CELF4: variants seen among roughly 807,000 people sequenced by gnomAD.
CELF4 encodes CUGBP Elav-like family member 4.
Under a neutral mutation model 59.9 loss-of-function variants are expected in CELF4, and 18 were observed. The observed-to-expected ratio is 0.30, with a 90% confidence interval of 0.21 to 0.45. The LOEUF (loss-of-function observed/expected upper bound fraction) is 0.45. Ranked by LOEUF, CELF4 falls within the 20% of genes least tolerant of loss-of-function variation. The probability of loss-of-function intolerance (pLI) is 1.00; values close to 1 mark genes in which losing one functional copy is unlikely to be tolerated. For synonymous variants in CELF4, 261 were observed against 267.1 expected (o/e 0.98, Z 0.22); for missense variants, 456 against 689.0 (o/e 0.66, Z 3.79).
chr18:37,334,878 C>A (rs1038713204), intron 2 of CELF4, among the ~76,000 whole-genome samples: 2 of 152,294 alleles, frequency 1.3e-5, no homozygotes, highest in East Asian at 1.9e-4. Flanking sequence ...TTAATCCCTA[C>A]GCCACAGCCT....
chr18:37,427,944 T>C (rs2099624346), intron 2 of CELF4, among the ~76,000 whole-genome samples: 1 of 152,210 alleles, frequency 6.6e-6, no homozygotes, highest in African/African-American at 2.4e-5. Context: ...AGACTTCTAC[T>C]GGAGAAAGTG....
At chr18:37,516,568 G>A (rs1224382223) in intron 1 of CELF4, among the ~76,000 whole-genome samples, 1 of 152,148 alleles carries the variant, frequency 6.6e-6, no homozygotes, top group Non-Finnish European at 1.5e-5. Context: ...CCAGGACCAG[G>A]AATTAACTAC....
intron 2 of CELF4, among the ~76,000 whole-genome samples, chr18:37,323,237 T>A (rs1603469509): frequency 6.6e-6 from 1 of 151,432 alleles, no homozygotes; most frequent in Non-Finnish European, 1.5e-5. Flanking sequence ...GAGGCACAGG[T>A]AGCCAGAGGC....
chr18:37,562,609 C>T (rs1157818573), intron 1 of CELF4, among the ~76,000 whole-genome samples: 1 of 152,186 alleles, frequency 6.6e-6, no homozygotes, highest in East Asian at 1.9e-4. Context: ...AACACTCATT[C>T]CTCAAGCCTC....
intron 2 of CELF4, among the ~76,000 whole-genome samples, chr18:37,359,790 G>T (rs1021333346): frequency 6.6e-6 from 1 of 151,834 alleles, no homozygotes; most frequent in Non-Finnish European, 1.5e-5. Context: ...CTCGTGGTCC[G>T]CCCACCTCAG....
At chr18:37,305,005 GT>G (rs1433801277) in intron 3 of CELF4, among the ~76,000 whole-genome samples, 1 of 152,230 alleles carries the variant, frequency 6.6e-6, no homozygotes, top group Non-Finnish European at 1.5e-5. Context: ...AAAGGGACTG[GT>G]GGGGATGTGG....
chr18:37,547,362 A>G (rs949252682), intron 1 of CELF4, among the ~76,000 whole-genome samples: 1 of 152,156 alleles, frequency 6.6e-6, no homozygotes, highest in Non-Finnish European at 1.5e-5. Flanking sequence ...GCTGGTCACC[A>G]GGAGAGGCTG....
At chr18:37,451,820 C>A (rs2099764932) in intron 2 of CELF4, among the ~76,000 whole-genome samples, 1 of 152,220 alleles carries the variant, frequency 6.6e-6, no homozygotes, top group Non-Finnish European at 1.5e-5. Flanking sequence ...CTGAGCAGCC[C>A]AACCCCAGCC....
intron 1 of CELF4, 68 bp from the exon 2 acceptor site, chr18:37,485,675 G>A: frequency 9.3e-7 from 1 of 1,073,062 alleles, no homozygotes; most frequent in Non-Finnish European, 1.2e-6. Flanking sequence ...GCGCCCTGCC[G>A]CCCGCCCTCC....
chr18:37,460,893 G>C (rs2099791596), intron 2 of CELF4, among the ~76,000 whole-genome samples: 1 of 152,154 alleles, frequency 6.6e-6, no homozygotes, highest in Non-Finnish European at 1.5e-5. Flanking sequence ...GGTCTCTTAA[G>C]GTTTGCTATG....
intron 2 of CELF4, among the ~76,000 whole-genome samples, chr18:37,470,888 GAC>G (rs1180199832): frequency 8.5e-4 from 81 of 95,358 alleles, no homozygotes; most frequent in African/African-American, 3.4e-3. Context: ...GTGTGTGTGT[GAC>G]AGAGAGAGAG....
At chr18:37,485,352 G>A (rs539361529) in intron 2 of CELF4, among the ~76,000 whole-genome samples, 173 bp downstream of exon 2, 1 of 151,680 alleles carries the variant, frequency 6.6e-6, no homozygotes, top group African/African-American at 2.4e-5. Flanking sequence ...GGATCCCGTT[G>A]GGCCCGGACG....
chr18:37,393,360 GTCAT>G (rs1468547672), intron 2 of CELF4, among the ~76,000 whole-genome samples: 1 of 152,216 alleles, frequency 6.6e-6, no homozygotes, highest in Non-Finnish European at 1.5e-5. Context: ...ACACAAAGGG[GTCAT>G]TCATTCGTTG....
chr18:37,448,126 A>G (rs1287238294), intron 2 of CELF4, among the ~76,000 whole-genome samples: 1 of 152,236 alleles, frequency 6.6e-6, no homozygotes, highest in Non-Finnish European at 1.5e-5. Context: ...TCGCATAGTC[A>G]TTACAGGTAA....
chr18:37,443,477 C>G (rs1216715799), intron 2 of CELF4, among the ~76,000 whole-genome samples: 1 of 152,078 alleles, frequency 6.6e-6, no homozygotes, highest in Non-Finnish European at 1.5e-5. Context: ...GAGAGAGCTC[C>G]CCACCACCGA....
chr18:37,328,590 A>T (rs971727322), intron 2 of CELF4, among the ~76,000 whole-genome samples: 10 of 152,328 alleles, frequency 6.6e-5, no homozygotes, highest in African/African-American at 2.4e-4. Context: ...CTTCACCAGG[A>T]AGGCAGCTCT....
chr18:37,392,756 C>T (rs77956986), intron 2 of CELF4, among the ~76,000 whole-genome samples: 2,520 of 152,320 alleles, frequency 0.017, 92 homozygotes, highest in African/African-American at 0.058. Context: ...GCCTGTTGTG[C>T]TACTGAGCAT....
At chr18:37,500,633 A>T (rs1465640406) in intron 1 of CELF4, among the ~76,000 whole-genome samples, 6 of 149,658 alleles carry the variant, frequency 4.0e-5, no homozygotes, top group Non-Finnish European at 8.9e-5. Context: ...TCCTGGGTTC[A>T]TGCCATTCTC....
intron 2 of CELF4, among the ~76,000 whole-genome samples, chr18:37,408,489 TG>T (rs1569568987): frequency 4.4e-5 from 1 of 22,902 alleles, no homozygotes; most frequent in Non-Finnish European, 2.6e-4. Flanking sequence ...CTTTGGTTGG[TG>T]CCGGGGGGGG....
Sources: allele counts gnomAD v4.1 joint callset (sites outside exome capture counted in the v4.1 genomes callset), GRCh38; gene constraint gnomAD v4.1.1; transcripts MANE v1.5; gene names NCBI Gene and HGNC (gene_info 2026-07-23, HGNC 2026-07-21).